The following EGFR variants were observed in gnomAD, a reference collection of about 807,000 sequenced individuals.
The protein encoded by EGFR is avian erythroblastic leukemia viral (v-erb-b) oncogene homolog.
A neutral mutation model predicts 143.0 loss-of-function variants in EGFR; 58 were observed. The observed-to-expected ratio is 0.41, with a 90% CI of 0.33 to 0.50. EGFR has a LOEUF of 0.50. Ranked by LOEUF, EGFR falls within the 20% of genes least tolerant of loss-of-function variation. EGFR has a pLI of 0.39. For synonymous variants in EGFR, 613 were observed against 594.4 expected (o/e 1.03, Z -0.45); for missense variants, 1,307 against 1,579.0 (o/e 0.83, Z 2.92).
chr7:55,106,069 G>A lies in EGFR; in HGVS notation c.89-36217G>A, dbSNP rs375914725. On this transcript the variant is annotated intron_variant, in intron 1 of 27. Transcript: ENST00000275493. ...TGTATCAGGTAGTGCAGAGTCCCCA[G>A]GAGACCTAGAGACCCAGGTCTGGGA... Among the ~76,000 whole-genome samples, 5 of 152,220 alleles carry A rather than the reference G, an allele frequency of 3.3e-5. No individual in the cohort carries two copies. In the East Asian group the frequency reaches 9.6e-4, roughly 29 times the overall value.
chr7:55,201,720 CT>C lies in EGFR; in HGVS notation c.3115-14del. 6.2e-7 allele frequency: 1 copy of C among 1,614,208 alleles called. No individual in the cohort carries two copies. Among genetic ancestry groups the C allele is most frequent in the Non-Finnish European group, 8.5e-7 (1 of 1,180,036 alleles). ...TACAAGCATTCCATGGGCAACTTCT[CT>C]GTTTCTTTTTCAGAGTGCAACCAGC... On this transcript the variant is annotated splice_polypyrimidine_tract_variant and intron_variant, in intron 25 of 27. Coordinates refer to ENST00000275493, the MANE Select transcript of EGFR (RefSeq NM_005228.5).
chr7:55,140,702 T>G (rs1271613116), intron 1 of EGFR, among the ~76,000 whole-genome samples: 2 of 152,134 alleles, frequency 1.3e-5, no homozygotes, highest in Non-Finnish European at 2.9e-5. Context: ...GAGTTATGGT[T>G]GGAAAAATGA....
intron 1 of EGFR, among the ~76,000 whole-genome samples, chr7:55,111,908 C>T (rs985416404): frequency 2.6e-5 from 4 of 152,204 alleles, no homozygotes; most frequent in African/African-American, 4.8e-5. Context: ...TACAGCATCT[C>T]GTTTAACCAG....
rs1026935938 is a variant in EGFR at position 55,169,747 on chromosome 7, C to T, written c.1881-1428C>T. Among the ~76,000 whole-genome samples the T allele has an allele frequency of 4.4e-4, 67 of 152,168 alleles. 3 individuals carry two copies. The highest frequency in any genetic ancestry group is 5.9e-5 in the Non-Finnish European group (4 of 68,034). On this transcript the variant is annotated intron_variant, in intron 15 of 27. Coordinates refer to ENST00000275493, the MANE Select transcript of EGFR (RefSeq NM_005228.5). The stretch of plus-strand genomic sequence containing the variant: ...CTCACATCCTTCTCTCCTGCAGCCC[C>T]GTCCTGCCACTGTCCTTGTCCAGCT...
intron 12 of EGFR, 82 bp from the exon 13 acceptor site, chr7:55,161,417 C>G (rs1785694425): frequency 6.5e-7 from 1 of 1,530,024 alleles, no homozygotes; most frequent in African/African-American, 1.4e-5. Context: ...GCACAGGGCC[C>G]CTCCCGGGAA....
chr7:55,203,027 T>C, intron 27 of EGFR: 1 of 381,124 alleles, frequency 2.6e-6, no homozygotes, highest in East Asian at 4.0e-5. Context: ...AACGTATATT[T>C]AACTAATTAA....
chr7:55,096,962 C>G (rs1330683178), intron 1 of EGFR, among the ~76,000 whole-genome samples: 1 of 152,136 alleles, frequency 6.6e-6, no homozygotes, highest in Non-Finnish European at 1.5e-5. Flanking sequence ...TCCTTACCCC[C>G]CCAGCTCCTC....
In EGFR at chr7:55,205,898, G is replaced by GGAA; in HGVS notation, c.*281_*282insGAA. 1.1e-5 allele frequency: 4 copies of GGAA among 378,576 alleles called. No individual in the cohort carries two copies. Among genetic ancestry groups the GGAA allele is most frequent in the Non-Finnish European group, 4.8e-6 (1 of 208,128 alleles). The allele number at this position is 378,576 out of a possible 1,614,324, so 23.5% of individuals were successfully genotyped here. A position where few individuals can be genotyped will look rare whatever the true frequency, so the allele number is the denominator to read the frequency against. Reference sequence around the variant, plus strand: ...ATTTATCTTTCAAAGAGGTATATTTGAAAAAAAAAAAAAGTATATGTGAGG... The same window carrying GGAA: ...ATTTATCTTTCAAAGAGGTATATTTGGAAAAAAAAAAAAAAAGTATATGTGAGG... On this transcript the variant is annotated 3_prime_UTR_variant, in exon 28 of 28. Coordinates refer to ENST00000275493, the MANE Select transcript of EGFR (RefSeq NM_005228.5).
rs145707369 is a variant in EGFR, at chr7:55,210,068, G to A, written c.*4451G>A. ...GCACATTTAGCTTGGTCTGAGGCAG[G>A]TTCTGTTGGGGCAGTGTTAATGGAA... is the stretch of plus-strand genomic sequence containing the variant. On this transcript the variant is annotated 3_prime_UTR_variant, in exon 28 of 28. Transcript: ENST00000275493. 1 of 152,236 alleles carries A rather than the reference G, an allele frequency of 6.6e-6. No homozygotes were observed. Among genetic ancestry groups the A allele is most frequent in the African/African-American group, 2.4e-5 (1 of 41,552 alleles). 9.4% of individuals were successfully genotyped at this position (152,236 alleles called of 1,614,324 possible).
intron 1 of EGFR, among the ~76,000 whole-genome samples, chr7:55,104,695 C>T (rs1254062318): frequency 2.0e-5 from 3 of 152,194 alleles, no homozygotes; most frequent in Admixed American, 2.0e-4. Context: ...CTAGGCACTG[C>T]CCCTCTTCCC....
intron 1 of EGFR, among the ~76,000 whole-genome samples, chr7:55,098,805 G>A (rs776388974): frequency 6.6e-6 from 1 of 152,192 alleles, no homozygotes; most frequent in African/African-American, 2.4e-5. Context: ...TCCTCCACTT[G>A]TTAAAAAGAT....
intron 6 of EGFR, among the ~76,000 whole-genome samples, chr7:55,153,564 A>G (rs925020503): frequency 6.6e-6 from 1 of 152,174 alleles, no homozygotes; most frequent in Non-Finnish European, 1.5e-5. Flanking sequence ...CCCTCGCTGT[A>G]TTGGGTCTGG....
chr7:55,160,494 TG>T (rs2128941929), intron 12 of EGFR, among the ~76,000 whole-genome samples, 156 bp downstream of exon 12: 1 of 152,354 alleles, frequency 6.6e-6, no homozygotes, highest in Non-Finnish European at 1.5e-5. Flanking sequence ...GAAATTACCA[TG>T]TGAATTCCAT....
intron 1 of EGFR, among the ~76,000 whole-genome samples, chr7:55,039,216 A>G (rs1787767531): frequency 6.6e-6 from 1 of 152,236 alleles, no homozygotes; most frequent in African/African-American, 2.4e-5. Context: ...ACCTTGCTCA[A>G]CGTATTTTAC....
Position 55,201,740 on chromosome 7 carries a change from A to G in EGFR, c.3120A>G (p.Ala1040=). 1 of 1,614,230 alleles carries G rather than the reference A, an allele frequency of 6.2e-7. No individual in the cohort carries two copies. Among genetic ancestry groups the G allele is most frequent in the Non-Finnish European group, 8.5e-7 (1 of 1,180,044 alleles). Residue 1040 remains alanine (A), a synonymous_variant, in exon 26 of 28, where the codon GCA becomes GCG. Coordinates refer to ENST00000275493, the MANE Select transcript of EGFR (RefSeq NM_005228.5). ...CTTCTCTGTTTCTTTTTCAGAGTGCAACCAGCAACAATTCCACCGTGGCTT... is the reference window on the plus strand; with the variant it reads ...CTTCTCTGTTTCTTTTTCAGAGTGCGACCAGCAACAATTCCACCGTGGCTT... The part of the protein sequence containing the change: ...SRTPLLSSLS[A]TSNNSTVACI...
At chr7:55,109,815 C>T in intron 1 of EGFR, 7 of 985,418 alleles carry the variant, frequency 7.1e-6, no homozygotes, top group Non-Finnish European at 8.4e-6. Context: ...TAAAGCCCAT[C>T]TCCTTTTGAA....
intron 1 of EGFR, among the ~76,000 whole-genome samples, chr7:55,136,463 G>A (rs1794149136): frequency 6.6e-6 from 1 of 152,174 alleles, no homozygotes; most frequent in East Asian, 1.9e-4. Flanking sequence ...CCAAGACTTT[G>A]GTCACATGGC....
At chr7:55,073,196 G>A (rs1007693504) in intron 1 of EGFR, among the ~76,000 whole-genome samples, 3 of 152,206 alleles carry the variant, frequency 2.0e-5, no homozygotes, top group Non-Finnish European at 2.9e-5. Context: ...CAAACTATGT[G>A]CCGGATCAAG....
intron 7 of EGFR, among the ~76,000 whole-genome samples, chr7:55,155,034 A>C (rs1227774032): frequency 1.3e-5 from 2 of 152,244 alleles, no homozygotes; most frequent in African/African-American, 2.4e-5. Context: ...ACAGAGCTTT[A>C]AAATCCATAG....
Sources: gnomAD v4.1 joint callset for allele counts (sites outside exome capture counted in the v4.1 genomes callset) on GRCh38, gnomAD v4.1.1 for gene constraint, MANE v1.5 for transcripts, NCBI Gene and HGNC (gene_info 2026-07-23, HGNC 2026-07-21) for gene names.